NALF1: variants seen among roughly 807,000 people sequenced by gnomAD.
NALF1 encodes family with sequence similarity 155 member A.
NALF1 carries 3 observed loss-of-function variants against 48.4 expected under a neutral mutation model. The ratio of observed to expected loss-of-function variants is 0.06; its 90% CI spans 0.03 to 0.16. NALF1 has a LOEUF of 0.16. Ranked by LOEUF, NALF1 falls within the 10% of genes least tolerant of loss-of-function variation. The pLI, the probability that NALF1 is intolerant of heterozygous loss-of-function variation, is 1.00. For missense variants in NALF1, 526 were observed against 571.5 expected (o/e 0.92, Z 0.81); for synonymous variants, 262 against 245.7 (o/e 1.07, Z -0.62).
rs565374947 is a variant in NALF1 at position 107,324,464 on chromosome 13, A to G, written c.916-113709T>C. Among the ~76,000 whole-genome samples the G allele has an allele frequency of 2.0e-5, 3 of 152,280 alleles. No individual in the cohort carries two copies. The South Asian group carries it at 6.2e-4, about 32-fold the overall frequency. On this transcript the variant is annotated intron_variant, in intron 1 of 2. Coordinates refer to ENST00000375915, the MANE Select transcript of NALF1 (RefSeq NM_001080396.3). ...TTTCTGGTTAACAGATTAAAGTACTACATTTCTGGGAGTGGGGGGAAGAAC... is the reference window on the plus strand; with the variant it reads ...TTTCTGGTTAACAGATTAAAGTACTGCATTTCTGGGAGTGGGGGGAAGAAC...
At chr13:107,349,209 C>T (rs968289446) in intron 1 of NALF1, among the ~76,000 whole-genome samples, 32 of 152,304 alleles carry the variant, frequency 2.1e-4, no homozygotes, top group South Asian at 1.0e-3. Flanking sequence ...AGAAAAATCG[C>T]TTCTTTCTTC....
At chr13:107,413,783 T>C (rs927753470) in intron 1 of NALF1, among the ~76,000 whole-genome samples, 8 of 152,138 alleles carry the variant, frequency 5.3e-5, no homozygotes, top group Non-Finnish European at 1.2e-4. Context: ...TATATAGAAA[T>C]ATTTTTAATA....
At chr13:107,550,925 T>C (rs929506333) in intron 1 of NALF1, among the ~76,000 whole-genome samples, 1 of 152,082 alleles carries the variant, frequency 6.6e-6, no homozygotes, top group African/African-American at 2.4e-5. Flanking sequence ...TTATTGTTTG[T>C]GCTGTTGTTT....
At chr13:107,430,761 C>G (rs1376105726) in intron 1 of NALF1, among the ~76,000 whole-genome samples, 2 of 152,044 alleles carry the variant, frequency 1.3e-5, no homozygotes, top group Non-Finnish European at 1.5e-5. Context: ...AGTAAACATA[C>G]GTGTACATGT....
rs188770326 is a variant in NALF1 at position 107,284,782 on chromosome 13, C to T, written c.916-74027G>A. On this transcript the variant is annotated intron_variant, in intron 1 of 2. Transcript: ENST00000375915. ...GACGTCATGTGGGCACAGAGCATGACGGCAGCTGCCTACGTGCCAGAAGGG... is the reference window on the plus strand; with the variant it reads ...GACGTCATGTGGGCACAGAGCATGATGGCAGCTGCCTACGTGCCAGAAGGG... Among the ~76,000 whole-genome samples the T allele has an allele frequency of 6.8e-4, 103 of 152,254 alleles. 1 individual carries two copies. In the South Asian group the frequency reaches 0.01, roughly 15 times the overall value.
intron 1 of NALF1, among the ~76,000 whole-genome samples, chr13:107,266,909 A>T (rs960827212): frequency 6.6e-6 from 1 of 152,146 alleles, no homozygotes; most frequent in Admixed American, 6.5e-5. Context: ...TTCATTTCTG[A>T]TATGGGATGT....
chr13:107,758,472 A>G (rs1877177210), intron 1 of NALF1, among the ~76,000 whole-genome samples: 1 of 152,200 alleles, frequency 6.6e-6, no homozygotes, highest in Admixed American at 6.5e-5. Flanking sequence ...CTGTAATCCC[A>G]ACACTTTGGG....
At chr13:107,371,484 C>A (rs1456605723) in intron 1 of NALF1, among the ~76,000 whole-genome samples, 1 of 142,470 alleles carries the variant, frequency 7.0e-6, no homozygotes, top group African/African-American at 2.5e-5. Context: ...TAAATAGTTT[C>A]AAGATATCAT....
intron 1 of NALF1, among the ~76,000 whole-genome samples, chr13:107,771,252 G>GTGTGTGTGTGTGTA: frequency 6.6e-6 from 1 of 151,996 alleles, no homozygotes; most frequent in East Asian, 1.9e-4. Flanking sequence ...AACATGTTGT[G>GTGTGTGTGTGTGTA]TGTGTGTGTG....
Position 107,422,047 on chromosome 13 carries a change from C to T in NALF1, c.916-211292G>A, listed in dbSNP as rs576704283. Reference sequence around the variant, plus strand: ...GTTCTCTTCATGTCACCATTCAACCCTTACCCATAAGATGTATTCCAGGTA... The same window carrying T: ...GTTCTCTTCATGTCACCATTCAACCTTTACCCATAAGATGTATTCCAGGTA... On this transcript the variant is annotated intron_variant, in intron 1 of 2. Transcript: ENST00000375915. Among the ~76,000 whole-genome samples the T allele has an allele frequency of 3.9e-5, 6 of 152,226 alleles. No homozygotes were observed. The South Asian group carries it at 1.2e-3, about 32-fold the overall frequency.
Position 107,409,456 on chromosome 13 carries a change from G to C in NALF1, c.916-198701C>G, listed in dbSNP as rs569114483. 6.6e-5 allele frequency among the ~76,000 whole-genome samples: 10 copies of C among 152,278 alleles called. No homozygotes were observed. In the South Asian group the frequency reaches 2.1e-3, roughly 32 times the overall value. ...TCCGGCCTGTTAGAGAGAATTCTTG[G>C]AGGACTGGTGATGCTTGAGCCAAAC... On this transcript the variant is annotated intron_variant, in intron 1 of 2. Coordinates refer to ENST00000375915, the MANE Select transcript of NALF1 (RefSeq NM_001080396.3).
chr13:107,257,515 T>G (rs1198827692), intron 1 of NALF1, among the ~76,000 whole-genome samples: 1 of 130,254 alleles, frequency 7.7e-6, no homozygotes, highest in Non-Finnish European at 1.6e-5. Context: ...TGCTTTGAAT[T>G]TGATATCATC....
intron 1 of NALF1, among the ~76,000 whole-genome samples, chr13:107,246,310 ATC>A (rs915611254): frequency 6.6e-6 from 1 of 152,098 alleles, no homozygotes; most frequent in Non-Finnish European, 1.5e-5. Context: ...TTTACATTTT[ATC>A]TCAATAGTTA....
At chr13:107,531,501 A>T (rs1460268565) in intron 1 of NALF1, among the ~76,000 whole-genome samples, 2 of 151,782 alleles carry the variant, frequency 1.3e-5, no homozygotes, top group Non-Finnish European at 1.5e-5. Context: ...AGCCAATTAA[A>T]CCTCTTTGTT....
Position 107,661,609 on chromosome 13 carries a change from T to G in NALF1, c.915+204073A>C, listed in dbSNP as rs184859130. Among the ~76,000 whole-genome samples the G allele has an allele frequency of 1.9e-3, 296 of 152,268 alleles. 1 individual carries two copies. The highest frequency in any genetic ancestry group is 3.2e-3 in the Non-Finnish European group (218 of 68,018). On this transcript the variant is annotated intron_variant, in intron 1 of 2. Transcript: ENST00000375915. Reference sequence around the variant, plus strand: ...AATACCTTAACCAAGACATGCCACATAACCTGAGGATTAATTTAATTAGCA... The same window carrying G: ...AATACCTTAACCAAGACATGCCACAGAACCTGAGGATTAATTTAATTAGCA...
intron 1 of NALF1, among the ~76,000 whole-genome samples, chr13:107,656,332 C>T (rs1253786499): frequency 6.6e-6 from 1 of 151,898 alleles, no homozygotes; most frequent in African/African-American, 2.4e-5. Context: ...ACAATCCCAT[C>T]AAAAAGTGAG....
intron 1 of NALF1, among the ~76,000 whole-genome samples, chr13:107,443,878 G>C (rs1029809254): frequency 6.6e-6 from 1 of 152,122 alleles, no homozygotes; most frequent in Non-Finnish European, 1.5e-5. Flanking sequence ...AATTCAAGCA[G>C]TTCTTCTGAT....
chr13:107,179,501 T>C (rs938898118), intron 2 of NALF1, among the ~76,000 whole-genome samples: 3 of 151,922 alleles, frequency 2.0e-5, no homozygotes, highest in African/African-American at 7.3e-5. Flanking sequence ...ACAGTTTAAC[T>C]AAAAGAGTAT....
intron 1 of NALF1, among the ~76,000 whole-genome samples, chr13:107,521,381 G>A (rs906613140): frequency 6.6e-6 from 1 of 152,120 alleles, no homozygotes; most frequent in Non-Finnish European, 1.5e-5. Flanking sequence ...ATTTCTTAGT[G>A]TAATAGAAAA....
Sources: gnomAD v4.1 joint callset for allele counts (sites outside exome capture counted in the v4.1 genomes callset) on GRCh38, gnomAD v4.1.1 for gene constraint, MANE v1.5 for transcripts, NCBI Gene and HGNC (gene_info 2026-07-23, HGNC 2026-07-21) for gene names.